The following AK9 variants were observed in gnomAD, a reference collection of about 807,000 sequenced individuals.
AK9 encodes adenylate kinase domain containing 1.
In AK9, 191 loss-of-function variants were observed where a neutral mutation model predicts 239.6. The observed-to-expected ratio is 0.80, with a 90% CI of 0.71 to 0.90. The LOEUF is 0.90. AK9 is among the 40% of genes least tolerant of loss of function. The pLI is 0.00. For missense variants in AK9, 1,995 were observed against 2,214.7 expected, an observed-to-expected ratio of 0.90 and a Z score of 1.99; for synonymous variants, 689 against 721.0, an observed-to-expected ratio of 0.96 and a Z score of 0.71.
At chr6:109,509,402 A>G (rs1319119838) in intron 32 of AK9, 22 bp from the exon 33 acceptor site, 2 of 1,529,734 alleles carry the variant, frequency 1.3e-6, no homozygotes, top group South Asian at 2.4e-5. Flanking sequence ...AAAACTTTTA[A>G]ATTAAATTAA....
intron 29 of AK9, among the ~76,000 whole-genome samples, chr6:109,518,554 AGTATT>A (rs1413544252): frequency 6.6e-6 from 1 of 151,962 alleles, no homozygotes; most frequent in Non-Finnish European, 1.5e-5. Context: ...TAAATTATAT[AGTATT>A]GTATAAGATT....
At chr6:109,629,402 A>T (rs1018045737) in intron 12 of AK9, among the ~76,000 whole-genome samples, 4 of 152,158 alleles carry the variant, frequency 2.6e-5, no homozygotes. Context: ...CCAAACAATT[A>T]ATATTATTGG....
At chr6:109,603,948 C>A (rs145238089) in intron 17 of AK9, among the ~76,000 whole-genome samples, 1 of 152,252 alleles carries the variant, frequency 6.6e-6, no homozygotes, top group Admixed American at 6.5e-5. Context: ...TGGAGTGACC[C>A]GATTTTCCAG....
At chr6:109,543,304 C>T (rs9487141) in intron 26 of AK9, among the ~76,000 whole-genome samples, 88,523 of 151,888 alleles carry the variant, frequency 0.58, 27,473 homozygotes, top group East Asian at 0.84. Flanking sequence ...AATTTTATTA[C>T]CTAAAAATAA....
chr6:109,584,150 GT>G (rs893433518), intron 19 of AK9, among the ~76,000 whole-genome samples: 1 of 152,042 alleles, frequency 6.6e-6, no homozygotes, highest in Non-Finnish European at 1.5e-5. Context: ...TTCTAAAGGA[GT>G]GACTAGCTTA....
At chr6:109,649,754 C>G (rs1339981993) in intron 8 of AK9, among the ~76,000 whole-genome samples, 1 of 152,078 alleles carries the variant, frequency 6.6e-6, no homozygotes, top group African/African-American at 2.4e-5. Context: ...CATATGGAAC[C>G]AAAAAAGAGC....
chr6:109,598,149 G>T lies in AK9; in HGVS notation c.1843-12077C>A, dbSNP rs558506560. On this transcript the variant is annotated intron_variant, in intron 17 of 40. Transcript: ENST00000424296. ...GCAGGTTTGTTACATATGTACACAC[G>T]TGCCATGCTGGTGTGCTGCACCCAT... Among the ~76,000 whole-genome samples, 24 of 152,102 alleles carry T rather than the reference G, an allele frequency of 1.6e-4. 1 individual carries two copies. The South Asian group carries it at 5.0e-3, about 32-fold the overall frequency.
chr6:109,646,577 T>C (rs1426522031), intron 8 of AK9, among the ~76,000 whole-genome samples: 1 of 151,884 alleles, frequency 6.6e-6, no homozygotes, highest in East Asian at 1.9e-4. Context: ...CTCCAAGAAA[T>C]ATGGGACTAT....
intron 8 of AK9, among the ~76,000 whole-genome samples, chr6:109,647,320 C>T (rs1355477361): frequency 6.6e-6 from 1 of 152,170 alleles, no homozygotes; most frequent in Non-Finnish European, 1.5e-5. Context: ...CAAGACCCAT[C>T]AGTGTGCTGT....
intron 17 of AK9, among the ~76,000 whole-genome samples, chr6:109,597,684 T>TC (rs1002992773): frequency 1.3e-4 from 19 of 151,488 alleles, no homozygotes; most frequent in African/African-American, 4.6e-4. Context: ...AAAAAAATTT[T>TC]TTTTTATTGC....
intron 29 of AK9, among the ~76,000 whole-genome samples, chr6:109,517,129 T>G (rs1482561972): frequency 6.6e-6 from 1 of 152,158 alleles, no homozygotes; most frequent in Non-Finnish European, 1.5e-5. Flanking sequence ...TGGCTCCTGG[T>G]GTAGGCTATA....
chr6:109,595,076 T>G (rs888359672), intron 17 of AK9, among the ~76,000 whole-genome samples: 1 of 152,128 alleles, frequency 6.6e-6, no homozygotes, highest in African/African-American at 2.4e-5. Flanking sequence ...ACAGGCAACC[T>G]ACAGAATGGG....
At chr6:109,524,477 T>C (rs888562869) in intron 29 of AK9, among the ~76,000 whole-genome samples, 3 of 152,078 alleles carry the variant, frequency 2.0e-5, no homozygotes, top group African/African-American at 7.2e-5. Flanking sequence ...CTTAGTGAAC[T>C]CCAAACTAAA....
intron 6 of AK9, among the ~76,000 whole-genome samples, chr6:109,660,402 A>C (rs753039966): frequency 6.6e-5 from 10 of 152,180 alleles, no homozygotes; most frequent in African/African-American, 9.7e-5. Context: ...TTCAACAAGC[A>C]TCCTCAGTGA....
chr6:109,565,166 C>T (rs1392684331), intron 21 of AK9, among the ~76,000 whole-genome samples: 1 of 152,086 alleles, frequency 6.6e-6, no homozygotes, highest in Admixed American at 6.6e-5. Flanking sequence ...CCTGATATTC[C>T]TTTTAATTTC....
At chr6:109,629,637 T>A (rs56889910) in intron 12 of AK9, among the ~76,000 whole-genome samples, 6,781 of 147,176 alleles carry the variant, frequency 0.046, 201 homozygotes, top group East Asian at 0.12. Context: ...TTTGAAAAAT[T>A]TTTTTTTTTT....
chr6:109,646,971 T>C (rs1418660742), intron 8 of AK9, among the ~76,000 whole-genome samples: 1 of 152,184 alleles, frequency 6.6e-6, no homozygotes, highest in Non-Finnish European at 1.5e-5. Flanking sequence ...AACCCAGAAT[T>C]TCATATCCAG....
At chr6:109,539,253 A>G (rs564209099) in intron 27 of AK9, among the ~76,000 whole-genome samples, 1 of 152,240 alleles carries the variant, frequency 6.6e-6, no homozygotes, top group African/African-American at 2.4e-5. Flanking sequence ...TCAGACGTAG[A>G]TTTGGTCTTT....
chr6:109,631,071 G>A (rs1796047820), intron 12 of AK9, among the ~76,000 whole-genome samples: 2 of 152,052 alleles, frequency 1.3e-5, no homozygotes, highest in Non-Finnish European at 2.9e-5. Context: ...AAATGTGAAA[G>A]TCAAAACAAT....
Sources: allele counts gnomAD v4.1 joint callset (sites outside exome capture counted in the v4.1 genomes callset), GRCh38; gene constraint gnomAD v4.1.1; transcripts MANE v1.5; gene names NCBI Gene and HGNC (gene_info 2026-07-23, HGNC 2026-07-21).